DNAH10: variants seen among roughly 807,000 people sequenced by gnomAD.
DNAH10 encodes the protein dynein axonemal heavy chain 10.
A neutral mutation model predicts 506.6 loss-of-function variants in DNAH10; 348 were observed. The observed-to-expected ratio is 0.69, with a 90% CI of 0.63 to 0.75. The LOEUF is 0.75. Ranked by LOEUF, DNAH10 falls within the 30% of genes least tolerant of loss-of-function variation. DNAH10 has a pLI of 0.00. For missense variants in DNAH10, 5,179 were observed against 5,787.1 expected (o/e 0.89, Z 3.41); for synonymous variants, 2,059 against 2,198.6 (o/e 0.94, Z 1.78).
Position 123,767,620 on chromosome 12 carries a change from C to T in DNAH10, c.229C>T (p.Leu77=). The T allele has an allele frequency of 1.2e-6, 2 of 1,612,550 alleles. No individual in the cohort carries two copies. Among genetic ancestry groups the T allele is most frequent in the Non-Finnish European group, 1.7e-6 (2 of 1,179,194 alleles). The change falls in exon 2 of 79, where the codon CTG becomes TTG. Residue 77 remains leucine (L), a synonymous_variant. Coordinates refer to ENST00000673944, the MANE Select transcript of DNAH10 (RefSeq NM_001372106.1). ...VEVEIDEIPV[L]SEEGEEEEET... is the part of the protein sequence containing the mutation. ...TGGCCATAAAGATGAGATACCTGTC[C>T]TGTCTGAAGAGGGAGAAGAGGAAGA... is the stretch of plus-strand genomic sequence containing the variant.
rs953468923 is a variant in DNAH10, at chr12:123,917,908, C to G, written c.11232+95C>G. On this transcript the variant is annotated intron_variant, in intron 64 of 78. Transcript: ENST00000673944. This position sits in a 1 kb window ranked among gnomAD's most constrained non-coding sequence, Gnocchi z 5.6. ...CTGTCTGCTCAATGAGAAAATGGGG[C>G]TCTGTGATCTCAGGGCTAAAAACCC... is the stretch of plus-strand genomic sequence containing the variant. The G allele has an allele frequency of 7.3e-7, 1 of 1,362,298 alleles. No homozygotes were observed. Among genetic ancestry groups the G allele is most frequent in the African/African-American group, 1.5e-5 (1 of 68,688 alleles). The allele number at this position is 1,362,298 out of a possible 1,614,324, so 84.4% of individuals were successfully genotyped here. A position where few individuals can be genotyped will look rare whatever the true frequency, so the allele number is the denominator to read the frequency against.
Position 123,897,983 on chromosome 12 carries a change from G to T in DNAH10, c.9478+16G>T, listed in dbSNP as rs749379235. The T allele has an allele frequency of 1.9e-6, 3 of 1,538,734 alleles. No individual in the cohort carries two copies. In the Admixed American group the frequency reaches 7.1e-5, roughly 36 times the overall value. Reference sequence around the variant, plus strand: ...TGTAATATAGGTAAGCCTTGGGGATGGGGTGGTTGACAAAAGTCATTATTA... The same window carrying T: ...TGTAATATAGGTAAGCCTTGGGGATTGGGTGGTTGACAAAAGTCATTATTA... On this transcript the variant is annotated intron_variant, in intron 55 of 78. Transcript: ENST00000673944.
intron 18 of DNAH10, among the ~76,000 whole-genome samples, chr12:123,806,438 C>A (rs1958676752): frequency 6.6e-6 from 1 of 152,170 alleles, no homozygotes; most frequent in East Asian, 1.9e-4. Flanking sequence ...AGTCTGACTC[C>A]AGTATCATTT....
chr12:123,801,382 T>C lies in DNAH10; in HGVS notation c.2564T>C (p.Leu855Pro), dbSNP rs764093216. The change falls in exon 16 of 79, where the codon CTG becomes CCG. Residue 855 changes from leucine (L) to proline (P), a missense_variant. By Grantham distance (98) the Leu-to-Pro change is moderately conservative (BLOSUM62 -3). Coordinates refer to ENST00000673944, the MANE Select transcript of DNAH10 (RefSeq NM_001372106.1). ...SVLLKDHSQE[L>P]LRVFRSGYKR... Reference sequence around the variant, plus strand: ...CTTCTCAAAGATCATTCCCAGGAACTGCTCCGAGTGTTTAGGTCGGGATAT... The same window carrying C: ...CTTCTCAAAGATCATTCCCAGGAACCGCTCCGAGTGTTTAGGTCGGGATAT... 6.2e-7 allele frequency: 1 copy of C among 1,614,204 alleles called. No individual in the cohort carries two copies. The highest frequency in any genetic ancestry group is 1.1e-5 in the South Asian group (1 of 91,088).
intron 47 of DNAH10, among the ~76,000 whole-genome samples, chr12:123,876,884 C>T (rs1952277282): frequency 6.6e-6 from 1 of 151,904 alleles, no homozygotes; most frequent in Admixed American, 6.6e-5. Context: ...CACTTGAGCC[C>T]AAGAGGTCGA....
At chr12:123,779,011 T>C (rs1301889505) in intron 5 of DNAH10, among the ~76,000 whole-genome samples, 1 of 151,942 alleles carries the variant, frequency 6.6e-6, no homozygotes, top group African/African-American at 2.4e-5. Context: ...GCCATTCTCC[T>C]GCCTCAGCCT....
At chr12:123,779,079 A>G (rs1268570725) in intron 5 of DNAH10, among the ~76,000 whole-genome samples, 2 of 151,844 alleles carry the variant, frequency 1.3e-5, no homozygotes, top group Non-Finnish European at 2.9e-5. Context: ...AATTTTTTGT[A>G]TTTTTAGTAG....
chr12:123,931,230 C>T (rs1955190769), intron 73 of DNAH10, 111 bp from the exon 74 acceptor site: 2 of 1,489,382 alleles, frequency 1.3e-6, no homozygotes, highest in South Asian at 1.4e-5. Flanking sequence ...AAAAGTCACC[C>T]TCTAAACAGT....
At chr12:123,908,335 C>A (rs1254638535) in intron 57 of DNAH10, 1 of 456,168 alleles carries the variant, frequency 2.2e-6, no homozygotes. Context: ...CTGGCTCACC[C>A]CAGCCTCCTA....
intron 29 of DNAH10, 134 bp from the exon 30 acceptor site, chr12:123,841,188 T>C: frequency 1.2e-6 from 1 of 861,816 alleles, no homozygotes. Flanking sequence ...ACGACATCCA[T>C]CTTGCCTGCG....
chr12:123,931,947 G>T lies in DNAH10; in HGVS notation c.13135G>T (p.Ala4379Ser). The change falls in exon 76 of 79, where the codon GCT becomes TCT. Residue 4379 changes from alanine (A) to serine (S), a missense_variant. Transcript: ENST00000673944. ...KSLAELQRAL[A>S]GEVGMSNELD... ...TGCTCTTGATTCTAAATAGGCCTTG[G>T]CTGGAGAAGTTGGAATGAGCAATGA... The T allele has an allele frequency of 6.2e-7, 1 of 1,614,040 alleles. No homozygotes were observed.
In DNAH10 at chr12:123,808,656, C is replaced by G. The variant is rs1051724801; in HGVS notation, c.2988-141C>G. On this transcript the variant is annotated intron_variant, in intron 18 of 78. Transcript: ENST00000673944. ...AAAAGAGTATTTTAAGTAAGACTCA[C>G]CCCAGCCTGTCTAGGACAGCCTCAC... The G allele has an allele frequency of 1.0e-5, 8 of 795,240 alleles. No individual in the cohort carries two copies. In the Admixed American group the frequency reaches 1.2e-4, roughly 12 times the overall value. The allele number at this position is 795,240 out of a possible 1,614,324, so 49.3% of individuals were successfully genotyped here. A position where few individuals can be genotyped will look rare whatever the true frequency, so the allele number is the denominator to read the frequency against.
Position 123,804,825 on chromosome 12 carries a change from C to T in DNAH10, c.2780-8C>T, listed in dbSNP as rs1243310157. The T allele has an allele frequency of 6.2e-7, 1 of 1,606,182 alleles. No individual in the cohort carries two copies. Among genetic ancestry groups the T allele is most frequent in the African/African-American group, 1.3e-5 (1 of 74,718 alleles). ...GTGGACAGCTCTAACAGACATCTTT[C>T]TCTCCAGGCGTGAAGGAATTTTTTG... On this transcript the variant is annotated splice_region_variant and splice_polypyrimidine_tract_variant and intron_variant, in intron 17 of 78. Coordinates refer to ENST00000673944, the MANE Select transcript of DNAH10 (RefSeq NM_001372106.1).
In DNAH10 at chr12:123,898,707, A is replaced by G. The variant is rs761125561; in HGVS notation, c.9533A>G (p.Gln3178Arg). The G allele has an allele frequency of 1.9e-6, 3 of 1,602,820 alleles. No individual in the cohort carries two copies. The African/African-American group carries it at 4.0e-5, about 21-fold the overall frequency. Residue 3178 changes from glutamine to arginine, a missense_variant, in exon 56 of 79, where the codon CAG becomes CGG. By Grantham distance (43) the Gln-to-Arg change is conservative. Transcript: ENST00000673944. The stretch of plus-strand genomic sequence containing the variant: ...GACAAGCTGAAGGAGGCCACCATCC[A>G]GCTGGACGAGCTGAACCAGAAGCTG... The part of the protein sequence containing the change: ...GLDKLKEATI[Q>R]LDELNQKLAE...
intron 15 of DNAH10, 115 bp from the exon 16 acceptor site, chr12:123,801,166 T>C (rs2136278047): frequency 9.1e-7 from 1 of 1,102,274 alleles, no homozygotes; most frequent in Non-Finnish European, 1.3e-6. Context: ...GCAAATCTCT[T>C]GATCAAGGTT....
At position 123,898,824 on chromosome 12, in the gene DNAH10, G is replaced by C. The variant is rs1953380890; in HGVS notation, c.9640+10G>C. On this transcript the variant is annotated intron_variant, in intron 56 of 78. Coordinates refer to ENST00000673944, the MANE Select transcript of DNAH10 (RefSeq NM_001372106.1). ...GTCAACACCGCTGTAGGTGAGTGAGGGCGGGGCCAGGGCAGCCCATCCCCA... is the reference window on the plus strand; with the variant it reads ...GTCAACACCGCTGTAGGTGAGTGAGCGCGGGGCCAGGGCAGCCCATCCCCA... 6.3e-7 allele frequency: 1 copy of C among 1,596,832 alleles called. No individual in the cohort carries two copies. The highest frequency in any genetic ancestry group is 1.3e-5 in the African/African-American group (1 of 74,614).
chr12:123,849,986 T>C (rs1951095491), intron 34 of DNAH10, among the ~76,000 whole-genome samples: 1 of 152,186 alleles, frequency 6.6e-6, no homozygotes, highest in Admixed American at 6.5e-5. Context: ...GAAGCTGTGT[T>C]TCTCAGAGCC....
At position 123,894,649 on chromosome 12, in the gene DNAH10, T is replaced by C; in HGVS notation, c.9206T>C (p.Val3069Ala). The change falls in exon 54 of 79, where the codon GTA (valine) becomes GCA (alanine). Residue 3069 changes from valine (V) to alanine (A), a missense_variant. Coordinates refer to ENST00000673944, the MANE Select transcript of DNAH10 (RefSeq NM_001372106.1). ...ATCTCTCTTTCCTTTCAAGGTATGG[T>C]AAATAACACTGGTATTGACTGGTTC... ...RTWCRNFPGMVNNTGIDWFMP... is the reference protein window; with the variant it reads ...RTWCRNFPGMANNTGIDWFMP... The C allele has an allele frequency of 2.5e-6, 4 of 1,613,976 alleles. No homozygotes were observed. The highest frequency in any genetic ancestry group is 3.4e-6 in the Non-Finnish European group (4 of 1,179,856).
Position 123,924,583 on chromosome 12 carries a change from C to T in DNAH10, c.11766+151C>T, listed in dbSNP as rs543420433. On this transcript the variant is annotated intron_variant, in intron 67 of 78. Coordinates refer to ENST00000673944, the MANE Select transcript of DNAH10 (RefSeq NM_001372106.1). ...GCCCTGTAACTCCCTGATTGGAATT[C>T]TCCTTTGGCTAATTCAGCTAGTTGT... 2.0e-5 allele frequency among the ~76,000 whole-genome samples: 3 copies of T among 152,294 alleles called. No individual in the cohort carries two copies. In the East Asian group the frequency reaches 5.8e-4, roughly 29 times the overall value.
Sources: gnomAD v4.1 joint callset for allele counts (sites outside exome capture counted in the v4.1 genomes callset) on GRCh38, gnomAD v4.1.1 for gene constraint, Gnocchi (gnomAD v3.1) non-coding constraint, MANE v1.5 for transcripts, NCBI Gene and HGNC (gene_info 2026-07-23, HGNC 2026-07-21) for gene names.